Variants in WDR45B observed in about 807,000 individuals in gnomAD.
WDR45B encodes the protein WD repeat domain 45B, also known as WD repeat domain phosphoinositide-interacting protein 3.
Under a neutral mutation model 44.6 loss-of-function variants are expected in WDR45B, and 20 were observed. That is an observed-to-expected ratio of 0.45 (90% CI 0.32 to 0.65). The LOEUF (loss-of-function observed/expected upper bound fraction) is 0.65, where lower values mean the gene tolerates loss of function less well. WDR45B is among the 30% of genes least tolerant of loss of function. The pLI is 0.05. For missense variants in WDR45B, 323 were observed against 430.2 expected (o/e 0.75, Z 2.20); for synonymous variants, 169 against 164.9 (o/e 1.02, Z -0.19).
At chr17:82,621,577 C>T (rs2045617633) in intron 6 of WDR45B, 32 bp downstream of exon 6, 1 of 1,613,506 alleles carries the variant, frequency 6.2e-7, no homozygotes, top group African/African-American at 1.3e-5. Flanking sequence ...CTCCAGGAGG[C>T]ACAACACCAA....
intron 2 of WDR45B, among the ~76,000 whole-genome samples, chr17:82,642,946 CT>C (rs766771735): frequency 6.6e-6 from 1 of 152,202 alleles, no homozygotes; most frequent in Non-Finnish European, 1.5e-5. Flanking sequence ...TTTGCAACTA[CT>C]TATCTGCATA....
At chr17:82,637,632 C>A (rs1489290106) in intron 2 of WDR45B, among the ~76,000 whole-genome samples, 2 of 151,966 alleles carry the variant, frequency 1.3e-5, no homozygotes, top group Non-Finnish European at 2.9e-5. Context: ...TCTTTGGGTT[C>A]AATTTGCTGG....
At chr17:82,642,629 A>G (rs574530897) in intron 2 of WDR45B, among the ~76,000 whole-genome samples, 140 of 152,258 alleles carry the variant, frequency 9.2e-4, no homozygotes, top group Non-Finnish European at 1.7e-3. Flanking sequence ...AGTCTTGGGG[A>G]CTGAGCCCTC....
intron 3 of WDR45B, chr17:82,629,533 T>C: frequency 1.3e-5 from 13 of 985,504 alleles, no homozygotes; most frequent in Non-Finnish European, 1.6e-5. Flanking sequence ...AGACAAACCT[T>C]GTGAGATTAC....
intron 2 of WDR45B, among the ~76,000 whole-genome samples, chr17:82,633,815 G>T (rs2045798881): frequency 1.3e-5 from 2 of 152,138 alleles, no homozygotes; most frequent in African/African-American, 2.4e-5. Flanking sequence ...AGGAGTTTAA[G>T]ATCAGCCTGG....
At chr17:82,637,974 G>A (rs555837140) in intron 2 of WDR45B, among the ~76,000 whole-genome samples, 4 of 151,044 alleles carry the variant, frequency 2.6e-5, no homozygotes, top group Non-Finnish European at 5.9e-5. Context: ...AAGAGTTCGA[G>A]ACCAGCCTGG....
intron 4 of WDR45B, among the ~76,000 whole-genome samples, chr17:82,626,533 CAAAAAAAAAA>C (rs562186058): frequency 9.7e-4 from 77 of 79,434 alleles, no homozygotes; most frequent in Admixed American, 1.3e-3. Flanking sequence ...CTCTATCTCC[CAAAAAAAAAA>C]AAAAAAAAAA....
intron 1 of WDR45B, among the ~76,000 whole-genome samples, chr17:82,647,074 C>G (rs1234982143): frequency 6.6e-6 from 1 of 152,080 alleles, no homozygotes; most frequent in Non-Finnish European, 1.5e-5. Context: ...ACTAAAAATA[C>G]AAAAAGTAGC....
intron 7 of WDR45B, among the ~76,000 whole-genome samples, chr17:82,617,932 CT>C (rs896081781): frequency 2.3e-3 from 324 of 143,480 alleles, no homozygotes; most frequent in Admixed American, 2.7e-3. Context: ...CATTTTCTTT[CT>C]TTTTTTTTTT....
chr17:82,626,929 C>T, intron 4 of WDR45B: 1 of 511,388 alleles, frequency 2.0e-6, no homozygotes, highest in Non-Finnish European at 3.5e-6. Context: ...TGGGACATAA[C>T]TCACCACGGT....
At chr17:82,630,579 T>C (rs1478721548) in intron 3 of WDR45B, among the ~76,000 whole-genome samples, 2 of 152,212 alleles carry the variant, frequency 1.3e-5, no homozygotes, top group Non-Finnish European at 2.9e-5. Flanking sequence ...CTAATGTTCC[T>C]TTAAGTCAAT....
chr17:82,615,670 G>C lies in WDR45B; in HGVS notation c.*249C>G. 1.9e-6 allele frequency: 1 copy of C among 538,436 alleles called. No individual in the cohort carries two copies. The highest frequency in any genetic ancestry group is 3.1e-5 in the Admixed American group (1 of 32,040). The allele number at this position is 538,436 out of a possible 1,614,324, so 33.4% of individuals were successfully genotyped here. A position where few individuals can be genotyped will look rare whatever the true frequency, so the allele number is the denominator to read the frequency against. On this transcript the variant is annotated 3_prime_UTR_variant, in exon 10 of 10. Transcript: ENST00000392325. ...AGCTAACGTCACAGCTGAACTCATG[G>C]GAACAGCCAGTGGCCGCCAGTCGAG...
chr17:82,621,050 GTTTCT>G (rs2045608543), intron 6 of WDR45B, among the ~76,000 whole-genome samples: 3 of 131,578 alleles, frequency 2.3e-5, no homozygotes, highest in East Asian at 4.4e-4. Context: ...ACGTATTTTT[GTTTCT>G]TTTTTTTTTT....
At chr17:82,635,545 C>A (rs1041734034) in intron 2 of WDR45B, among the ~76,000 whole-genome samples, 1 of 151,184 alleles carries the variant, frequency 6.6e-6, no homozygotes. Context: ...CCTGCCTCAG[C>A]CTCCCAAGTA....
chr17:82,639,682 G>A (rs1300953332), intron 2 of WDR45B, among the ~76,000 whole-genome samples: 1 of 151,066 alleles, frequency 6.6e-6, no homozygotes, highest in Non-Finnish European at 1.5e-5. Flanking sequence ...GGTCTGGCGG[G>A]CTGCTGGGCT....
chr17:82,626,330 G>C (rs1201639089), intron 4 of WDR45B, among the ~76,000 whole-genome samples: 1 of 151,112 alleles, frequency 6.6e-6, no homozygotes, highest in African/African-American at 2.4e-5. Flanking sequence ...GAGGTCAAGG[G>C]ATCAAGACCA....
chr17:82,625,379 A>C lies in WDR45B; in HGVS notation c.427+10T>G, dbSNP rs569965904. The C allele has an allele frequency of 5.3e-5, 85 of 1,613,906 alleles. No individual in the cohort carries two copies. The South Asian group carries it at 8.8e-4, about 17-fold the overall frequency. ...ATTTCCCATCGCCACCCGTCTGCTCAATCTCTCACCTTTGGGGTTATAGCA... is the reference window on the plus strand; with the variant it reads ...ATTTCCCATCGCCACCCGTCTGCTCCATCTCTCACCTTTGGGGTTATAGCA... On this transcript the variant is annotated intron_variant, in intron 5 of 9. Coordinates refer to ENST00000392325, the MANE Select transcript of WDR45B (RefSeq NM_019613.4).
At chr17:82,636,708 T>A (rs188940995) in intron 2 of WDR45B, 18 of 152,180 alleles carry the variant, frequency 1.2e-4, no homozygotes, top group Admixed American at 1.1e-3. Context: ...AACTTCCTTA[T>A]CCTTTGTTCT....
chr17:82,628,669 G>A (rs1336335119), intron 3 of WDR45B, among the ~76,000 whole-genome samples: 1 of 151,952 alleles, frequency 6.6e-6, no homozygotes, highest in Non-Finnish European at 1.5e-5. Flanking sequence ...TGCACTCCAA[G>A]CTGGGCAACA....
Sources: gnomAD v4.1 joint callset for allele counts (sites outside exome capture counted in the v4.1 genomes callset) on GRCh38, gnomAD v4.1.1 for gene constraint, MANE v1.5 for transcripts, NCBI Gene and HGNC (gene_info 2026-07-23, HGNC 2026-07-21) for gene names.